The following BTF3L4 variants were observed in gnomAD, a reference collection of about 807,000 sequenced individuals.
The protein encoded by BTF3L4 is basic transcription factor 3 like 4.
A neutral mutation model predicts 16.8 loss-of-function variants in BTF3L4; 6 were observed. That is an observed-to-expected ratio of 0.36 (90% CI 0.20 to 0.71). The LOEUF is 0.71. BTF3L4 is among the 30% of genes least tolerant of loss of function. The pLI is 0.58. For synonymous variants in BTF3L4, 39 were observed against 59.8 expected (o/e 0.65, Z 1.60); for missense variants, 92 against 186.9 (o/e 0.49, Z 2.96).
intron 3 of BTF3L4, among the ~76,000 whole-genome samples, chr1:52,068,925 C>T (rs1338751121): frequency 1.3e-5 from 2 of 152,184 alleles, no homozygotes; most frequent in Non-Finnish European, 2.9e-5. Flanking sequence ...TTCGTGTATG[C>T]CTCCACAATG....
At chr1:52,073,289 A>G (rs1167786873) in intron 3 of BTF3L4, among the ~76,000 whole-genome samples, 1 of 152,124 alleles carries the variant, frequency 6.6e-6, no homozygotes, top group Admixed American at 6.6e-5. Flanking sequence ...CGTCTCAAAA[A>G]AAAATATGTA....
At chr1:52,070,785 A>G (rs1686769835) in intron 3 of BTF3L4, among the ~76,000 whole-genome samples, 1 of 151,416 alleles carries the variant, frequency 6.6e-6, no homozygotes, top group East Asian at 2.0e-4. Flanking sequence ...TTATAGGCGC[A>G]CCACCACATC....
At chr1:52,082,588 A>G (rs1168902478) in intron 3 of BTF3L4, among the ~76,000 whole-genome samples, 1 of 152,080 alleles carries the variant, frequency 6.6e-6, no homozygotes, top group Admixed American at 6.6e-5. Flanking sequence ...TACAAAAATT[A>G]GCTGGGCATA....
chr1:52,057,656 A>G (rs1217704509), intron 1 of BTF3L4, among the ~76,000 whole-genome samples: 2 of 152,222 alleles, frequency 1.3e-5, no homozygotes, highest in African/African-American at 4.8e-5. Flanking sequence ...TGAGCTTGAC[A>G]TCGCATAGAC....
intron 3 of BTF3L4, 26 bp downstream of exon 3, chr1:52,064,964 A>G (rs1440410592): frequency 6.4e-6 from 9 of 1,397,138 alleles, no homozygotes; most frequent in Non-Finnish European, 9.1e-6. Flanking sequence ...AAGTTGTTAA[A>G]TTGTGTGGGT....
At chr1:52,058,080 C>T (rs1686419978) in intron 1 of BTF3L4, among the ~76,000 whole-genome samples, 1 of 152,116 alleles carries the variant, frequency 6.6e-6, no homozygotes, top group Non-Finnish European at 1.5e-5. Context: ...TCACTACACT[C>T]TCATGGCCAC....
Position 52,086,917 on chromosome 1 carries a change from G to GATTTTGC in BTF3L4, c.*168_*174dup, listed in dbSNP as rs1045052353. On this transcript the variant is annotated 3_prime_UTR_variant, in exon 6 of 6. Transcript: ENST00000313334. ...TTTGTTCAGCATTTTTCGGTCATTT[G>GATTTTGC]ATTTTGCATTTTGCACTTCCTCCCA... 2.3e-6 allele frequency: 1 copy of GATTTTGC among 437,932 alleles called. No homozygotes were observed. The highest frequency in any genetic ancestry group is 4.1e-6 in the Non-Finnish European group (1 of 244,202). The allele number at this position is 437,932 out of a possible 1,614,324, so 27.1% of individuals were successfully genotyped here.
At chr1:52,082,966 A>G (rs1643938680) in intron 3 of BTF3L4, among the ~76,000 whole-genome samples, 1 of 152,132 alleles carries the variant, frequency 6.6e-6, no homozygotes, top group South Asian at 2.1e-4. Context: ...TGGAAATTGC[A>G]CTGATTTTGT....
intron 3 of BTF3L4, chr1:52,071,410 G>T (rs776355293): frequency 2.0e-5 from 3 of 152,086 alleles, no homozygotes; most frequent in Non-Finnish European, 2.9e-5. Context: ...ATCTCATATC[G>T]TGGTGTATAA....
chr1:52,082,415 A>G (rs2124444595), intron 3 of BTF3L4, among the ~76,000 whole-genome samples: 1 of 152,268 alleles, frequency 6.6e-6, no homozygotes, highest in Admixed American at 6.5e-5. Context: ...GGGTTATTAA[A>G]GATTGTTGAG....
chr1:52,089,055 C>G lies in BTF3L4; in HGVS notation c.*2297C>G, dbSNP rs1643997071. On this transcript the variant is annotated 3_prime_UTR_variant, in exon 6 of 6. Coordinates refer to ENST00000313334, the MANE Select transcript of BTF3L4 (RefSeq NM_152265.5). ...GATTACAGGCGTGAGCCACTGCACC[C>G]AGCCCAAATGAGATGTTTCTAAATC... 1 of 152,068 alleles carries G rather than the reference C, an allele frequency of 6.6e-6. No individual in the cohort carries two copies. Among genetic ancestry groups the G allele is most frequent in the Non-Finnish European group, 1.5e-5 (1 of 68,018 alleles). The allele number at this position is 152,068 out of a possible 1,614,324, so 9.4% of individuals were successfully genotyped here. A position where few individuals can be genotyped will look rare whatever the true frequency, so the allele number is the denominator to read the frequency against.
At chr1:52,081,147 A>AT (rs1057497540) in intron 3 of BTF3L4, among the ~76,000 whole-genome samples, 9 of 144,854 alleles carry the variant, frequency 6.2e-5, no homozygotes, top group South Asian at 2.2e-4. Context: ...CTATTCTTTT[A>AT]TTTTTTTGAG....
In BTF3L4 at chr1:52,081,696, G is replaced by T. The variant is rs189959991; in HGVS notation, c.169-1644G>T. Among the ~76,000 whole-genome samples, 5 of 152,288 alleles carry T rather than the reference G, an allele frequency of 3.3e-5. No homozygotes were observed. In the East Asian group the frequency reaches 9.6e-4, roughly 29 times the overall value. On this transcript the variant is annotated intron_variant, in intron 3 of 5. Transcript: ENST00000313334. ...CAGTGCTGTGTTTTTAGAACAGCTG[G>T]GTTGAATGCTTGTGTGTGATATAAT...
At chr1:52,076,700 A>G (rs1215527697) in intron 3 of BTF3L4, among the ~76,000 whole-genome samples, 5 of 152,246 alleles carry the variant, frequency 3.3e-5, no homozygotes, top group Admixed American at 3.3e-4. Context: ...CTTTAGCTTA[A>G]TAATAGCCAT....
intron 2 of BTF3L4, among the ~76,000 whole-genome samples, chr1:52,061,426 T>C (rs1686505163): frequency 7.0e-6 from 1 of 142,108 alleles, no homozygotes; most frequent in Non-Finnish European, 1.5e-5. Context: ...AGGTGGAAGT[T>C]GCGGTGAGCC....
At chr1:52,085,623 G>A (rs1194345150) in intron 4 of BTF3L4, among the ~76,000 whole-genome samples, 1 of 152,098 alleles carries the variant, frequency 6.6e-6, no homozygotes, top group African/African-American at 2.4e-5. Context: ...GCCAAGGCAG[G>A]TGGATCCCTT....
intron 3 of BTF3L4, among the ~76,000 whole-genome samples, chr1:52,071,483 A>C (rs1239981603): frequency 1.3e-5 from 2 of 152,122 alleles, no homozygotes; most frequent in Admixed American, 6.6e-5. Flanking sequence ...ACGGCTGGGA[A>C]CATGTTTATT....
chr1:52,069,959 G>A (rs1161430729), intron 3 of BTF3L4, among the ~76,000 whole-genome samples: 1 of 152,128 alleles, frequency 6.6e-6, no homozygotes, highest in East Asian at 1.9e-4. Flanking sequence ...GCTCACTCCT[G>A]TAATCGTAGC....
At chr1:52,058,950 T>C (rs1353471482) in intron 1 of BTF3L4, among the ~76,000 whole-genome samples, 4 of 152,222 alleles carry the variant, frequency 2.6e-5, no homozygotes, top group Non-Finnish European at 4.4e-5. Flanking sequence ...TGACCCATTA[T>C]AAACTTAAGA....
Sources: gnomAD v4.1 joint callset for allele counts (sites outside exome capture counted in the v4.1 genomes callset) on GRCh38, gnomAD v4.1.1 for gene constraint, MANE v1.5 for transcripts, NCBI Gene and HGNC (gene_info 2026-07-23, HGNC 2026-07-21) for gene names.